Variants in RAB3C observed in about 807,000 individuals in gnomAD.
RAB3C encodes ras-related protein Rab-3C.
Under a neutral mutation model 26.4 loss-of-function variants are expected in RAB3C, and 17 were observed. The ratio of observed to expected loss-of-function variants is 0.64; its 90% CI spans 0.44 to 0.97. The LOEUF is 0.97. RAB3C is among the 50% of genes least tolerant of loss of function. The probability of loss-of-function intolerance (pLI) is 0.00; values close to 1 mark genes in which losing one functional copy is unlikely to be tolerated. For synonymous variants in RAB3C, 91 were observed against 95.9 expected, an observed-to-expected ratio of 0.95 and a Z score of 0.30; for missense variants, 242 against 281.9, an observed-to-expected ratio of 0.86 and a Z score of 1.01.
chr5:58,635,463 A>C (rs1340765099), intron 2 of RAB3C, among the ~76,000 whole-genome samples: 2 of 152,214 alleles, frequency 1.3e-5, no homozygotes, highest in Non-Finnish European at 2.9e-5. Flanking sequence ...AAAGGGTGTC[A>C]TCTGGCACAC....
At chr5:58,689,754 C>T (rs867550129) in intron 2 of RAB3C, among the ~76,000 whole-genome samples, 1 of 152,066 alleles carries the variant, frequency 6.6e-6, no homozygotes, top group South Asian at 2.1e-4. Context: ...GTCCTCTGTT[C>T]AGGCCGTTAT....
intron 2 of RAB3C, among the ~76,000 whole-genome samples, chr5:58,661,981 C>T (rs1029728172): frequency 6.0e-5 from 9 of 150,062 alleles, no homozygotes; most frequent in Admixed American, 3.3e-4. Context: ...CTTAATCCTT[C>T]TCACTGCTCA....
In RAB3C at chr5:58,628,987, T is replaced by A. The variant is rs188217884; in HGVS notation, c.252+11117T>A. 8.6e-5 allele frequency among the ~76,000 whole-genome samples: 10 copies of A among 116,136 alleles called. No homozygotes were observed. The East Asian group carries it at 2.9e-3, about 33-fold the overall frequency. The allele number at this position is 116,136 out of a possible 152,430, so 76.2% of individuals were successfully genotyped here. The stretch of plus-strand genomic sequence containing the variant: ...GAGGATTGCTTGAGTACCCAGAAGT[T>A]CAATACCAGCTTGGGCAACATAGTG... On this transcript the variant is annotated intron_variant, in intron 2 of 4. Coordinates refer to ENST00000282878, the MANE Select transcript of RAB3C (RefSeq NM_138453.4).
intron 4 of RAB3C, among the ~76,000 whole-genome samples, chr5:58,831,960 A>G (rs1662354386): frequency 6.6e-6 from 1 of 152,190 alleles, no homozygotes; most frequent in Non-Finnish European, 1.5e-5. Flanking sequence ...GACCCAGACA[A>G]CAGTATGTTT....
chr5:58,617,948 C>A, intron 2 of RAB3C, 78 bp downstream of exon 2: 3 of 874,626 alleles, frequency 3.4e-6, no homozygotes, highest in Non-Finnish European at 5.4e-6. Context: ...AACTTTCTGC[C>A]TTGTTCTATC....
At chr5:58,802,940 C>T (rs1516437) in intron 3 of RAB3C, among the ~76,000 whole-genome samples, 65,883 of 152,048 alleles carry the variant, frequency 0.43, 15,737 homozygotes, top group Middle Eastern at 0.64. Context: ...ATCTGCATGG[C>T]GAAAGCTGGC....
At chr5:58,673,727 A>G (rs1366579321) in intron 2 of RAB3C, among the ~76,000 whole-genome samples, 3 of 152,176 alleles carry the variant, frequency 2.0e-5, no homozygotes, top group Non-Finnish European at 4.4e-5. Flanking sequence ...TTTCCCAATG[A>G]AAAAGGATCA....
intron 3 of RAB3C, among the ~76,000 whole-genome samples, chr5:58,823,946 A>G (rs1219053244): frequency 2.1e-5 from 3 of 142,284 alleles, no homozygotes; most frequent in Non-Finnish European, 4.5e-5. Context: ...TCATTGTTCA[A>G]TTCCCACCTG....
Position 58,583,225 on chromosome 5 carries a change from C to G in RAB3C, c.17C>G (p.Pro6Arg). 1 of 1,614,202 alleles carries G rather than the reference C, an allele frequency of 6.2e-7. No homozygotes were observed. The highest frequency in any genetic ancestry group is 1.1e-5 in the South Asian group (1 of 91,076). ...TTGCCAACAATGAGACACGAAGCGC[C>G]CATGCAGGTGGGTCCATAAAGAAAG... MRHEA[P>R]MQMASAQDAR... The change falls in exon 1 of 5, where the codon CCC becomes CGC. Residue 6 changes from proline to arginine, a missense_variant. Transcript: ENST00000282878.
chr5:58,744,390 G>A (rs1423937424), intron 3 of RAB3C, among the ~76,000 whole-genome samples: 1 of 152,248 alleles, frequency 6.6e-6, no homozygotes, highest in Non-Finnish European at 1.5e-5. Context: ...CTGATAGGGA[G>A]AAGGCTTCTG....
At chr5:58,690,747 C>G (rs542898386) in intron 2 of RAB3C, among the ~76,000 whole-genome samples, 9 of 151,648 alleles carry the variant, frequency 5.9e-5, no homozygotes, top group Non-Finnish European at 1.3e-4. Flanking sequence ...TCTTTGCTGC[C>G]TTTGTAGTTA....
intron 3 of RAB3C, among the ~76,000 whole-genome samples, chr5:58,796,031 C>T (rs977689800): frequency 2.6e-5 from 4 of 152,170 alleles, no homozygotes; most frequent in African/African-American, 9.7e-5. Flanking sequence ...AGATCTGCAT[C>T]TCCTCCAATC....
At chr5:58,608,907 A>C (rs1404627216) in intron 1 of RAB3C, among the ~76,000 whole-genome samples, 1 of 152,194 alleles carries the variant, frequency 6.6e-6, no homozygotes, top group African/African-American at 2.4e-5. Context: ...ATGAAGCTGG[A>C]AACCATCATT....
At chr5:58,722,402 T>C (rs1158192168) in intron 2 of RAB3C, among the ~76,000 whole-genome samples, 3 of 149,752 alleles carry the variant, frequency 2.0e-5, no homozygotes, top group Middle Eastern at 3.5e-3. Flanking sequence ...GAATGCTGTG[T>C]AATCAATGCC....
intron 2 of RAB3C, among the ~76,000 whole-genome samples, chr5:58,716,190 G>A (rs1410528085): frequency 1.3e-5 from 2 of 151,966 alleles, no homozygotes; most frequent in Non-Finnish European, 2.9e-5. Flanking sequence ...ATATGGTAGT[G>A]ATGAGGTCAT....
chr5:58,645,419 A>G (rs1272717323), intron 2 of RAB3C, among the ~76,000 whole-genome samples: 1 of 152,244 alleles, frequency 6.6e-6, no homozygotes, highest in African/African-American at 2.4e-5. Flanking sequence ...AACTAGCTGG[A>G]AATACAGAAG....
At chr5:58,785,327 C>T (rs1173690732) in intron 3 of RAB3C, among the ~76,000 whole-genome samples, 1 of 152,154 alleles carries the variant, frequency 6.6e-6, no homozygotes, top group African/African-American at 2.4e-5. Context: ...CTCAAGATCC[C>T]CAGCTAATTA....
In RAB3C at chr5:58,769,487, T is replaced by C. The variant is rs183879464; in HGVS notation, c.371+43367T>C. Among the ~76,000 whole-genome samples the C allele has an allele frequency of 3.4e-4, 52 of 152,250 alleles. 1 individual carries two copies. Among genetic ancestry groups the C allele is most frequent in the African/African-American group, 1.3e-3 (52 of 41,568 alleles). On this transcript the variant is annotated intron_variant, in intron 3 of 4. Transcript: ENST00000282878. ...CCTTCTCTGGGACAGTAGATGATAC[T>C]GGGAACGTTACATCTGCTTGAAAAA...
intron 4 of RAB3C, among the ~76,000 whole-genome samples, chr5:58,835,307 C>T (rs376661231): frequency 6.6e-6 from 1 of 152,166 alleles, no homozygotes; most frequent in African/African-American, 2.4e-5. Context: ...TCTAGGTGTT[C>T]TTTCCTATAC....
Sources: gnomAD v4.1 joint callset for allele counts (sites outside exome capture counted in the v4.1 genomes callset) on GRCh38, gnomAD v4.1.1 for gene constraint, MANE v1.5 for transcripts, NCBI Gene and HGNC (gene_info 2026-07-23, HGNC 2026-07-21) for gene names.